EBPL: variants seen among roughly 807,000 people sequenced by gnomAD.
The protein encoded by EBPL is emopamil-binding protein-like.
In EBPL, 20 loss-of-function variants were observed where a neutral mutation model predicts 19.0. The ratio of observed to expected loss-of-function variants is 1.05; its 90% CI spans 0.74 to 1.53. The LOEUF is 1.53. Ranked by LOEUF, EBPL falls within the 40% of genes most tolerant of loss-of-function variation. EBPL has a pLI of 0.00. For synonymous variants in EBPL, 107 were observed against 117.0 expected (o/e 0.91, Z 0.55); for missense variants, 219 against 261.1 (o/e 0.84, Z 1.11).
chr13:49,680,139 C>A (rs763780828), intron 1 of EBPL, among the ~76,000 whole-genome samples: 14 of 151,704 alleles, frequency 9.2e-5, no homozygotes, highest in South Asian at 2.1e-4. Flanking sequence ...GGGCATGAGC[C>A]ATGAGTTCTA....
chr13:49,681,447 C>T (rs1202295993), intron 1 of EBPL, among the ~76,000 whole-genome samples: 5 of 152,276 alleles, frequency 3.3e-5, no homozygotes, highest in African/African-American at 9.6e-5. Context: ...CACGCCACCA[C>T]GCCTGGCTAA....
chr13:49,678,040 G>A (rs1332975050), intron 1 of EBPL, among the ~76,000 whole-genome samples: 2 of 152,086 alleles, frequency 1.3e-5, no homozygotes, highest in African/African-American at 4.8e-5. Flanking sequence ...CAAGCCGGTT[G>A]CCGGGGCTGG....
At chr13:49,681,016 G>A (rs1953937398) in intron 1 of EBPL, among the ~76,000 whole-genome samples, 1 of 152,050 alleles carries the variant, frequency 6.6e-6, no homozygotes, top group African/African-American at 2.4e-5. Flanking sequence ...ATATTAATAA[G>A]CAGTTATAAA....
intron 2 of EBPL, among the ~76,000 whole-genome samples, chr13:49,663,890 A>C (rs1427375402): frequency 1.3e-5 from 2 of 150,390 alleles, no homozygotes; most frequent in East Asian, 1.9e-4. Flanking sequence ...GCGCCACTGC[A>C]CTCCAGCCTG....
intron 1 of EBPL, among the ~76,000 whole-genome samples, chr13:49,682,021 A>G (rs1388973417): frequency 6.6e-6 from 1 of 152,190 alleles, no homozygotes; most frequent in African/African-American, 2.4e-5. Flanking sequence ...AGCATACAAC[A>G]TTGTTTCTGG....
chr13:49,678,547 G>A (rs1953905402), intron 1 of EBPL, among the ~76,000 whole-genome samples: 1 of 152,202 alleles, frequency 6.6e-6, no homozygotes, highest in African/African-American at 2.4e-5. Flanking sequence ...ACAGCTGCTG[G>A]CCCGGGTGCT....
chr13:49,671,484 A>C (rs2146143), intron 1 of EBPL, among the ~76,000 whole-genome samples: 128,113 of 152,168 alleles, frequency 0.84, 54,098 homozygotes, highest in South Asian at 0.92. Context: ...TCATATGAGA[A>C]AAATAGCTGT....
intron 1 of EBPL, among the ~76,000 whole-genome samples, chr13:49,673,791 G>A (rs1221663812): frequency 6.6e-6 from 1 of 152,174 alleles, no homozygotes; most frequent in South Asian, 2.1e-4. Flanking sequence ...AGAAATGGAG[G>A]ACATTGTTAG....
intron 2 of EBPL, among the ~76,000 whole-genome samples, chr13:49,663,888 G>A (rs1965185283): frequency 6.7e-6 from 1 of 149,976 alleles, no homozygotes; most frequent in Admixed American, 6.7e-5. Flanking sequence ...TTGCGCCACT[G>A]CACTCCAGCC....
In EBPL at chr13:49,660,956, G is replaced by C. The variant is rs779614624; in HGVS notation, c.*12C>G. The C allele has an allele frequency of 1.9e-6, 3 of 1,597,298 alleles. No individual in the cohort carries two copies. The Admixed American group carries it at 5.1e-5, about 27-fold the overall frequency. On this transcript the variant is annotated 3_prime_UTR_variant, in exon 4 of 4. Coordinates refer to ENST00000242827, the MANE Select transcript of EBPL (RefSeq NM_032565.5). ...CATGAAGTTAGATAATGGTGTTTAT[G>C]GTTTTGAAAGTTCACTGAAACTTCT...
At chr13:49,673,583 T>G (rs971197946) in intron 1 of EBPL, among the ~76,000 whole-genome samples, 1 of 152,068 alleles carries the variant, frequency 6.6e-6, no homozygotes, top group African/African-American at 2.4e-5. Context: ...ATTACAGGAA[T>G]GCACCACCAC....
intron 2 of EBPL, among the ~76,000 whole-genome samples, chr13:49,667,527 A>G (rs1965245786): frequency 6.6e-6 from 1 of 152,184 alleles, no homozygotes; most frequent in East Asian, 1.9e-4. Flanking sequence ...CAGAATCTGC[A>G]TTTGAGTAAG....
rs187706874 is a variant in EBPL, at chr13:49,689,642, C to T, written c.171+1612G>A. ...GATTACAGGCATGAGCCACTGTGTC[C>T]GATATGTTATACATTTTTATATATA... is the stretch of plus-strand genomic sequence containing the variant. On this transcript the variant is annotated intron_variant, in intron 1 of 3. Coordinates refer to ENST00000242827, the MANE Select transcript of EBPL (RefSeq NM_032565.5). Among the ~76,000 whole-genome samples the T allele has an allele frequency of 2.5e-3, 375 of 152,126 alleles. 1 individual carries two copies. Among genetic ancestry groups the T allele is most frequent in the Non-Finnish European group, 3.7e-3 (251 of 68,012 alleles).
At chr13:49,686,323 T>G (rs1006133802) in intron 1 of EBPL, among the ~76,000 whole-genome samples, 2 of 152,146 alleles carry the variant, frequency 1.3e-5, no homozygotes, top group African/African-American at 4.8e-5. Context: ...GCTACCCTCC[T>G]GCTCTTCCTC....
rs1295441414 is a variant in EBPL, at chr13:49,682,251, C to T, written c.171+9003G>A. On this transcript the variant is annotated intron_variant, in intron 1 of 3. Coordinates refer to ENST00000242827, the MANE Select transcript of EBPL (RefSeq NM_032565.5). ...AGTCACACGAGTTCTATGGTTCCTACAACATGGCAGTATACTGTTTGATTT... is the reference window on the plus strand; with the variant it reads ...AGTCACACGAGTTCTATGGTTCCTATAACATGGCAGTATACTGTTTGATTT... Among the ~76,000 whole-genome samples, 6 of 152,204 alleles carry T rather than the reference C, an allele frequency of 3.9e-5. No individual in the cohort carries two copies. The South Asian group carries it at 1.2e-3, about 31-fold the overall frequency.
intron 1 of EBPL, chr13:49,686,347 ACCT>A: frequency 9.6e-7 from 1 of 1,040,648 alleles, no homozygotes; most frequent in Non-Finnish European, 1.2e-6. Flanking sequence ...CCACCACCAA[ACCT>A]CCTGCAGGGC....
At chr13:49,686,742 C>T in intron 1 of EBPL, 1 of 736,066 alleles carries the variant, frequency 1.4e-6, no homozygotes, top group South Asian at 1.8e-5. Context: ...CTCTCTTCTG[C>T]CCTGACTCTG....
intron 2 of EBPL, among the ~76,000 whole-genome samples, chr13:49,667,695 G>A (rs1953752149): frequency 6.6e-6 from 1 of 152,186 alleles, no homozygotes; most frequent in South Asian, 2.1e-4. Flanking sequence ...GTGTTGCCCT[G>A]GCTAAATTCA....
intron 1 of EBPL, among the ~76,000 whole-genome samples, chr13:49,678,392 C>T (rs1953902675): frequency 6.6e-6 from 1 of 152,216 alleles, no homozygotes; most frequent in Non-Finnish European, 1.5e-5. Context: ...GGGGCAGTGC[C>T]CTTCAGGAGC....
Sources: allele counts gnomAD v4.1 joint callset (sites outside exome capture counted in the v4.1 genomes callset), GRCh38; gene constraint gnomAD v4.1.1; transcripts MANE v1.5; gene names NCBI Gene and HGNC (gene_info 2026-07-23, HGNC 2026-07-21).